Variants in CACUL1 observed in about 807,000 individuals in gnomAD.
CACUL1 encodes CDK2 associated cullin domain 1.
A neutral mutation model predicts 45.2 loss-of-function variants in CACUL1; 13 were observed. The observed-to-expected ratio is 0.29, with a 90% CI of 0.19 to 0.46. The LOEUF is 0.46. CACUL1 is among the 20% of genes least tolerant of loss of function. The pLI is 1.00. For missense variants in CACUL1, 421 were observed against 471.4 expected (o/e 0.89, Z 0.99); for synonymous variants, 197 against 174.2 (o/e 1.13, Z -1.03).
At chr10:118,714,126 G>C (rs1845519282) in intron 3 of CACUL1, among the ~76,000 whole-genome samples, 1 of 152,202 alleles carries the variant, frequency 6.6e-6, no homozygotes, top group Non-Finnish European at 1.5e-5. Context: ...TAGCTTAATA[G>C]AAGACAGCTG....
chr10:118,686,083 C>T lies in CACUL1; in HGVS notation c.*45G>A. On this transcript the variant is annotated 3_prime_UTR_variant, in exon 9 of 9. Coordinates refer to ENST00000369151, the MANE Select transcript of CACUL1 (RefSeq NM_153810.5). ...GCTCTGAATACAGTCTCTGCAGCTC[C>T]AGTGTGTCCTCTTTTCAGGAAGGAA... The T allele has an allele frequency of 1.4e-6, 2 of 1,467,890 alleles. No homozygotes were observed. The allele number at this position is 1,467,890 out of a possible 1,614,324, so 90.9% of individuals were successfully genotyped here. A position where few individuals can be genotyped will look rare whatever the true frequency, so the allele number is the denominator to read the frequency against.
In CACUL1 at chr10:118,676,974, A is replaced by ATTGG. The variant is rs1259852971; in HGVS notation, c.*9153_*9154insCCAA. ...TAGAAAAAACTTCTCCAATCCCAAGAAAAAATACTACTTTCTAGTTTTTAC... is the reference window on the plus strand; with the variant it reads ...TAGAAAAAACTTCTCCAATCCCAAGATTGGAAAAATACTACTTTCTAGTTTTTAC... On this transcript the variant is annotated 3_prime_UTR_variant, in exon 9 of 9. Transcript: ENST00000369151. 6 of 152,252 alleles carry ATTGG rather than the reference A, an allele frequency of 3.9e-5. No individual in the cohort carries two copies. The highest frequency in any genetic ancestry group is 7.4e-5 in the Non-Finnish European group (5 of 68,016). 9.4% of individuals were successfully genotyped at this position (152,252 alleles called of 1,614,324 possible).
chr10:118,706,892 T>C (rs1199175641), intron 4 of CACUL1, among the ~76,000 whole-genome samples: 5 of 152,174 alleles, frequency 3.3e-5, no homozygotes, highest in African/African-American at 1.2e-4. Context: ...CTACAGAAGG[T>C]AGGATCAACC....
chr10:118,716,398 C>T (rs12416232), intron 3 of CACUL1, among the ~76,000 whole-genome samples: 26,239 of 151,142 alleles, frequency 0.17, 2,936 homozygotes, highest in African/African-American at 0.29. Context: ...TAGATCGTCA[C>T]CATCTCTCCC....
At chr10:118,699,209 C>T (rs921886636) in intron 5 of CACUL1, among the ~76,000 whole-genome samples, 1 of 152,188 alleles carries the variant, frequency 6.6e-6, no homozygotes, top group African/African-American at 2.4e-5. Context: ...ACCAATGAGG[C>T]CAGTTATCAC....
chr10:118,728,263 G>C (rs931141365), intron 3 of CACUL1, among the ~76,000 whole-genome samples: 3 of 152,096 alleles, frequency 2.0e-5, no homozygotes, highest in African/African-American at 7.2e-5. Flanking sequence ...AAAACTGCTG[G>C]GGTGCTTCCT....
Position 118,754,797 on chromosome 10 carries a change from C to T in CACUL1, c.-35G>A. The stretch of plus-strand genomic sequence containing the variant: ...CCCCGGCACCCGCCCGCCTCACAGG[C>T]ACCTGCCGCCTGTCTCAACCCCGGG... On this transcript the variant is annotated 5_prime_UTR_variant, in exon 1 of 9. Transcript: ENST00000369151. 1.3e-6 allele frequency: 2 copies of T among 1,520,752 alleles called. No individual in the cohort carries two copies. Among genetic ancestry groups the T allele is most frequent in the Non-Finnish European group, 1.8e-6 (2 of 1,139,142 alleles). The allele number at this position is 1,520,752 out of a possible 1,614,324, so 94.2% of individuals were successfully genotyped here.
chr10:118,707,764 A>G (rs367962085), intron 3 of CACUL1, among the ~76,000 whole-genome samples, 177 bp from the exon 4 acceptor site: 6 of 152,134 alleles, frequency 3.9e-5, no homozygotes, highest in African/African-American at 1.2e-4. Flanking sequence ...TTGTTCCAAA[A>G]TCTGCTATGT....
chr10:118,700,862 C>G (rs1845373067), intron 5 of CACUL1, among the ~76,000 whole-genome samples: 1 of 152,068 alleles, frequency 6.6e-6, no homozygotes, highest in Non-Finnish European at 1.5e-5. Flanking sequence ...AGACGTTTGC[C>G]TAAAATAGAG....
In CACUL1 at chr10:118,694,972, C is replaced by T. The variant is rs181227204; in HGVS notation, c.886+169G>A. On this transcript the variant is annotated intron_variant, in intron 6 of 8. Transcript: ENST00000369151. ...TTGGTTTCCACTAGCAGAGAACATT[C>T]CAACTGAGCTCTGAGTTTACATTTC... 230 of 501,496 alleles carry T rather than the reference C, an allele frequency of 4.6e-4. 2 individuals carry two copies. The East Asian group carries it at 6.8e-3, about 15-fold the overall frequency. 31.1% of individuals were successfully genotyped at this position (501,496 alleles called of 1,614,324 possible). A position where few individuals can be genotyped will look rare whatever the true frequency, so the allele number is the denominator to read the frequency against.
chr10:118,687,274 T>C (rs1845216818), intron 7 of CACUL1, among the ~76,000 whole-genome samples: 1 of 152,144 alleles, frequency 6.6e-6, no homozygotes, highest in South Asian at 2.1e-4. Flanking sequence ...CAACTCTGCC[T>C]TCCTCTCTAC....
In CACUL1 at chr10:118,684,348, T is replaced by C. The variant is rs1453600781; in HGVS notation, c.*1780A>G. ...TGGTAAGCCTGAAGCAAGCATTCCA[T>C]TGAGAAAAGTAAAATGTGAATGTCA... On this transcript the variant is annotated 3_prime_UTR_variant, in exon 9 of 9. Transcript: ENST00000369151. 1 of 152,312 alleles carries C rather than the reference T, an allele frequency of 6.6e-6. No individual in the cohort carries two copies. Among genetic ancestry groups the C allele is most frequent in the Non-Finnish European group, 1.5e-5 (1 of 68,022 alleles). 9.4% of individuals were successfully genotyped at this position (152,312 alleles called of 1,614,324 possible).
At chr10:118,691,154 C>G in intron 7 of CACUL1, 111 bp downstream of exon 7, 1 of 894,444 alleles carries the variant, frequency 1.1e-6, no homozygotes, top group Non-Finnish European at 1.7e-6. Context: ...CAGCAAGACT[C>G]TTGGCCAGTT....
chr10:118,750,289 G>A (rs1243233518), intron 1 of CACUL1, among the ~76,000 whole-genome samples: 2 of 151,998 alleles, frequency 1.3e-5, no homozygotes, highest in Non-Finnish European at 2.9e-5. Flanking sequence ...CTGCACCACG[G>A]CACTCCAGCC....
intron 1 of CACUL1, among the ~76,000 whole-genome samples, chr10:118,745,933 TC>T (rs1447787298): frequency 6.8e-6 from 1 of 146,992 alleles, no homozygotes; most frequent in Non-Finnish European, 1.5e-5. Context: ...GGTCAGGAGA[TC>T]GAGACCATCC....
chr10:118,708,296 G>A (rs1220110185), intron 3 of CACUL1, among the ~76,000 whole-genome samples: 1 of 152,112 alleles, frequency 6.6e-6, no homozygotes, highest in Non-Finnish European at 1.5e-5. Context: ...TAGGCTTAAT[G>A]TACTATTAGA....
intron 3 of CACUL1, among the ~76,000 whole-genome samples, chr10:118,721,769 A>T (rs1216637194): frequency 6.6e-6 from 1 of 152,180 alleles, no homozygotes; most frequent in Non-Finnish European, 1.5e-5. Context: ...ACTGACTATA[A>T]AACTACTACA....
At chr10:118,694,792 C>T (rs1036683264) in intron 6 of CACUL1, 22 of 189,342 alleles carry the variant, frequency 1.2e-4, no homozygotes, top group African/African-American at 4.6e-4. Flanking sequence ...CCTAAGAAGA[C>T]GGGGTTGTGA....
intron 1 of CACUL1, among the ~76,000 whole-genome samples, chr10:118,753,318 T>C (rs980169615): frequency 2.0e-5 from 3 of 152,270 alleles, no homozygotes; most frequent in Non-Finnish European, 4.4e-5. Flanking sequence ...ACACACAGTG[T>C]GTAAGATTCC....
Sources: allele counts gnomAD v4.1 joint callset (sites outside exome capture counted in the v4.1 genomes callset), GRCh38; gene constraint gnomAD v4.1.1; transcripts MANE v1.5; gene names NCBI Gene and HGNC (gene_info 2026-07-23, HGNC 2026-07-21).